The following C11orf65 variants were observed in gnomAD, a reference collection of about 807,000 sequenced individuals.
The protein encoded by C11orf65 is chromosome 11 open reading frame 65.
A neutral mutation model predicts 35.3 loss-of-function variants in C11orf65; 38 were observed. That is an observed-to-expected ratio of 1.08 (90% CI 0.83 to 1.41). The LOEUF (loss-of-function observed/expected upper bound fraction) is 1.41. C11orf65 is among the 40% of genes most tolerant of loss of function. C11orf65 has a pLI of 0.00. For missense variants in C11orf65, 370 were observed against 367.1 expected, an observed-to-expected ratio of 1.01 and a Z score of -0.06; for synonymous variants, 105 against 114.4, an observed-to-expected ratio of 0.92 and a Z score of 0.53.
At position 108,394,787 on chromosome 11, in the gene C11orf65, A is replaced by C. The variant is rs75684960; in HGVS notation, c.561-1409T>G. 9.5e-3 allele frequency among the ~76,000 whole-genome samples: 1,446 copies of C among 152,300 alleles called. 32 individuals are homozygous for C. The highest frequency in any genetic ancestry group is 0.033 in the African/African-American group (1,379 of 41,564). ...TGTGAATCTTGGTTCTGTGTTACAT[A>C]ATCTGCTAAATAACCTAGCCTTTCT... On this transcript the variant is annotated intron_variant, in intron 6 of 8. Transcript: ENST00000393084.
chr11:108,325,843 TACAC>T (rs1361072563), intron 6 of C11orf65, among the ~76,000 whole-genome samples: 6 of 152,156 alleles, frequency 3.9e-5, no homozygotes, highest in Non-Finnish European at 8.8e-5. Context: ...TACACACAGA[TACAC>T]ATACATACAT....
At chr11:108,426,680 C>T (rs1471192646) in intron 3 of C11orf65, among the ~76,000 whole-genome samples, 1 of 151,956 alleles carries the variant, frequency 6.6e-6, no homozygotes, top group Non-Finnish European at 1.5e-5. Flanking sequence ...AAAAAAAAAC[C>T]TGTATAGCCA....
chr11:108,359,762 C>T (rs1439247345), intron 2 of C11orf65, among the ~76,000 whole-genome samples: 2 of 152,000 alleles, frequency 1.3e-5, no homozygotes, highest in African/African-American at 2.4e-5. Context: ...AACAAAGACA[C>T]AACGTACCAG....
At position 108,436,432 on chromosome 11, in the gene C11orf65, A is replaced by G. The variant is rs1407119778; in HGVS notation, c.82-4594T>C. On this transcript the variant is annotated intron_variant, in intron 2 of 8. Transcript: ENST00000393084. The stretch of plus-strand genomic sequence containing the variant: ...AGGTAGAGTATGGTTCAGCAAAAAG[A>G]GGAATAAAAATGATCCAAAAAGGGA... Among the ~76,000 whole-genome samples, 4 of 152,234 alleles carry G rather than the reference A, an allele frequency of 2.6e-5. No homozygotes were observed. In the East Asian group the frequency reaches 7.7e-4, roughly 29 times the overall value.
downstream of C11orf65, chr11:108,329,222 A>G (rs864622563): frequency 8.7e-6 from 14 of 1,613,252 alleles, no homozygotes; most frequent in Non-Finnish European, 1.2e-5. Context: ...TAGGGAACAT[A>G]AAATTCAGAC....
At position 108,406,758 on chromosome 11, in the gene C11orf65, C is replaced by T. The variant is rs1288090193; in HGVS notation, c.429+5G>A. 17 of 1,561,278 alleles carry T rather than the reference C, an allele frequency of 1.1e-5. No homozygotes were observed. The highest frequency in any genetic ancestry group is 1.4e-5 in the Non-Finnish European group (16 of 1,145,892). ...GGTTAAAAATTAACATTTCTCTTTT[C>T]TTACTGTATCAGAAACTGGCCTCCA... is the stretch of plus-strand genomic sequence containing the variant. On this transcript the variant is annotated splice_donor_5th_base_variant and intron_variant, in intron 5 of 8. Transcript: ENST00000393084.
rs786202092 is a variant in C11orf65 at position 108,316,116 on chromosome 11, A to C, written c.641-7045T>G. On this transcript the variant is annotated intron_variant, in intron 6 of 6. Transcript: ENST00000525729. ...CACGCCAGGCAGGAATCATTCAGGTACATTTTTTCCCAGATTTGGTAAAGC... is the reference window on the plus strand; with the variant it reads ...CACGCCAGGCAGGAATCATTCAGGTCCATTTTTTCCCAGATTTGGTAAAGC... 2 of 1,613,540 alleles carry C rather than the reference A, an allele frequency of 1.2e-6. No homozygotes were observed. Among genetic ancestry groups the C allele is most frequent in the Non-Finnish European group, 1.7e-6 (2 of 1,179,504 alleles).
intron 2 of C11orf65, among the ~76,000 whole-genome samples, chr11:108,441,950 G>T (rs1179667530): frequency 6.6e-6 from 1 of 152,206 alleles, no homozygotes; most frequent in African/African-American, 2.4e-5. Flanking sequence ...GCCAGCAACA[G>T]AACAAAGCTG....
Position 108,325,363 on chromosome 11 carries a change from C to G in C11orf65, c.641-16292G>C, listed in dbSNP as rs2136309262. On this transcript the variant is annotated intron_variant, in intron 6 of 6. Transcript: ENST00000525729. ...GTATATATTAAGTGGCAGAAACACTCCCAGCTTCTCAAGGACAGTGATTTT... is the reference window on the plus strand; with the variant it reads ...GTATATATTAAGTGGCAGAAACACTGCCAGCTTCTCAAGGACAGTGATTTT... 6.2e-7 allele frequency: 1 copy of G among 1,613,244 alleles called. No individual in the cohort carries two copies. Among genetic ancestry groups the G allele is most frequent in the Non-Finnish European group, 8.5e-7 (1 of 1,179,794 alleles).
intron 2 of C11orf65, among the ~76,000 whole-genome samples, chr11:108,440,925 G>A (rs936929842): frequency 6.6e-6 from 1 of 152,200 alleles, no homozygotes; most frequent in Non-Finnish European, 1.5e-5. Context: ...GAAGACAGGT[G>A]ATTTCGGCAT....
chr11:108,381,269 G>C (rs2091860068), downstream of C11orf65, among the ~76,000 whole-genome samples: 1 of 152,164 alleles, frequency 6.6e-6, no homozygotes, highest in Admixed American at 6.5e-5. Context: ...TGTGCTTCTT[G>C]TTCCTACAAG....
At chr11:108,356,791 G>A (rs1190374970) in intron 2 of C11orf65, among the ~76,000 whole-genome samples, 2 of 152,082 alleles carry the variant, frequency 1.3e-5, no homozygotes, top group Non-Finnish European at 2.9e-5. Flanking sequence ...AGAGTAGTAG[G>A]AGATCAAATG....
At chr11:108,355,191 G>T in intron 2 of C11orf65, 1 of 308,410 alleles carries the variant, frequency 3.2e-6, no homozygotes, top group South Asian at 4.2e-5. Context: ...TTTCCATTAG[G>T]GTTTAAGAAA....
chr11:108,378,345 A>C (rs1438604684), downstream of C11orf65, among the ~76,000 whole-genome samples: 11 of 143,784 alleles, frequency 7.7e-5, no homozygotes, highest in Non-Finnish European at 1.2e-4. Flanking sequence ...CAACTATCTG[A>C]TCTTTGACAA....
In C11orf65 at chr11:108,325,249, G is replaced by GT. The variant is rs11366542; in HGVS notation, c.641-16179dup. 8,382 of 563,522 alleles carry GT rather than the reference G, an allele frequency of 0.015. 74 individuals are homozygous for GT. Among genetic ancestry groups the GT allele is most frequent in the African/African-American group, 0.073 (3,051 of 41,662 alleles). The allele number at this position is 563,522 out of a possible 1,614,324, so 34.9% of individuals were successfully genotyped here. ...TATCGTAAGTTCCAGAACTTACATA[G>GT]TTTTTTTTTTTTTTTTTTTCATTTC... is the stretch of plus-strand genomic sequence containing the variant. On this transcript the variant is annotated intron_variant, in intron 6 of 6. Coordinates refer to the C11orf65 transcript ENST00000525729.
Position 108,321,338 on chromosome 11 carries a change from G to T in C11orf65, c.641-12267C>A, listed in dbSNP as rs1317619286. 2.5e-6 allele frequency: 4 copies of T among 1,614,152 alleles called. No homozygotes were observed. The highest frequency in any genetic ancestry group is 3.4e-6 in the Non-Finnish European group (4 of 1,179,992). On this transcript the variant is annotated intron_variant, in intron 6 of 6. Coordinates refer to the C11orf65 transcript ENST00000525729. Reference sequence around the variant, plus strand: ...GGAAGAGATGTGTAAGCGCAGCCTTGAGTCTGTGTATTCGCTCTATCCCAC... The same window carrying T: ...GGAAGAGATGTGTAAGCGCAGCCTTTAGTCTGTGTATTCGCTCTATCCCAC...
intron 3 of C11orf65, among the ~76,000 whole-genome samples, chr11:108,428,491 A>T (rs2092940104): frequency 6.6e-6 from 1 of 152,196 alleles, no homozygotes; most frequent in Non-Finnish European, 1.5e-5. Flanking sequence ...ATAAAAAAGG[A>T]TGTGTTCATG....
intron 2 of C11orf65, chr11:108,335,374 T>C: frequency 9.1e-7 from 1 of 1,093,812 alleles, no homozygotes; most frequent in Middle Eastern, 2.9e-4. Flanking sequence ...TGAGGTTGCT[T>C]CTTATGAAAA....
upstream of C11orf65, among the ~76,000 whole-genome samples, chr11:108,467,868 A>C (rs1268915667): frequency 6.6e-6 from 1 of 152,176 alleles, no homozygotes; most frequent in Non-Finnish European, 1.5e-5. Flanking sequence ...TCTGTGGCCG[A>C]GGCTGGAGTG....
Sources: allele counts gnomAD v4.1 joint callset (sites outside exome capture counted in the v4.1 genomes callset), GRCh38; gene constraint gnomAD v4.1.1; transcripts MANE v1.5; gene names NCBI Gene and HGNC (gene_info 2026-07-23, HGNC 2026-07-21).